Variants in CNKSR3 observed in about 807,000 individuals in gnomAD.
CNKSR3 encodes the protein connector enhancer of kinase suppressor of ras 3.
CNKSR3 carries 36 observed loss-of-function variants against 67.7 expected under a neutral mutation model. The observed-to-expected ratio is 0.53, with a 90% CI of 0.41 to 0.70. The LOEUF is 0.70. CNKSR3 is among the 30% of genes least tolerant of loss of function. The pLI is 0.00. For synonymous variants in CNKSR3, 281 were observed against 271.4 expected (o/e 1.04, Z -0.35); for missense variants, 630 against 695.2 (o/e 0.91, Z 1.05).
intron 1 of CNKSR3, among the ~76,000 whole-genome samples, chr6:154,483,089 G>A (rs1301155099): frequency 6.6e-6 from 1 of 152,166 alleles, no homozygotes; most frequent in Non-Finnish European, 1.5e-5. Flanking sequence ...CTTTACCCCA[G>A]TGGCATCTTG....
intron 9 of CNKSR3, among the ~76,000 whole-genome samples, chr6:154,417,241 C>T (rs73011468): frequency 0.051 from 7,733 of 152,208 alleles, 251 homozygotes; most frequent in African/African-American, 0.075. Flanking sequence ...AAAACATTTT[C>T]GAATAGTCAA....
At chr6:154,446,597 A>G (rs1172783519) in intron 2 of CNKSR3, among the ~76,000 whole-genome samples, 1 of 152,200 alleles carries the variant, frequency 6.6e-6, no homozygotes, top group African/African-American at 2.4e-5. Flanking sequence ...ACCAGTGCGC[A>G]TAAGCACTCT....
chr6:154,502,587 G>A (rs1027092088), intron 1 of CNKSR3, among the ~76,000 whole-genome samples: 1 of 152,150 alleles, frequency 6.6e-6, no homozygotes, highest in African/African-American at 2.4e-5. Context: ...ACAGAAGCCT[G>A]TGAGGCCTGG....
intron 4 of CNKSR3, among the ~76,000 whole-genome samples, chr6:154,435,712 G>C (rs1270836131): frequency 6.6e-6 from 1 of 152,236 alleles, no homozygotes; most frequent in East Asian, 1.9e-4. Context: ...GCTGGACAGT[G>C]AGCTGAGCTT....
rs762319273 is a variant in CNKSR3 at position 154,442,167 on chromosome 6, G to T, written c.340C>A (p.Arg114Ser). 1 of 1,614,170 alleles carries T rather than the reference G, an allele frequency of 6.2e-7. No homozygotes were observed. Among genetic ancestry groups the T allele is most frequent in the African/African-American group, 1.3e-5 (1 of 75,056 alleles). ...GTCAGGAACTCATTGGGGGCCTTGC[G>T]GGAGGTGTTGCCATCGTAAGCGGGA... ...KSPAYDGNTSRKAPNEFLTSV... is the reference protein window; with the variant it reads ...KSPAYDGNTSSKAPNEFLTSV... Residue 114 changes from arginine (R) to serine (S), a missense_variant, in exon 3 of 13, where the codon CGC (arginine) becomes AGC (serine). By Grantham distance (110) the Arg-to-Ser change is moderately radical. This residue lies in a region of CNKSR3 where 189 missense variants were observed against 205.0 expected (regional missense o/e 0.92). Coordinates refer to ENST00000607772, the MANE Select transcript of CNKSR3 (RefSeq NM_173515.4).
Position 154,480,684 on chromosome 6 carries a change from A to C in CNKSR3, c.52+29379T>G, listed in dbSNP as rs373727387. Among the ~76,000 whole-genome samples the C allele has an allele frequency of 4.4e-4, 67 of 152,246 alleles. 2 individuals carry two copies. In the South Asian group the frequency reaches 0.013, roughly 29 times the overall value. Reference sequence around the variant, plus strand: ...AAAGAAGTGACACTACTGAACTATAAACATCAATTTTACATCCAACAGAAG... The same window carrying C: ...AAAGAAGTGACACTACTGAACTATACACATCAATTTTACATCCAACAGAAG... On this transcript the variant is annotated intron_variant, in intron 1 of 12. Coordinates refer to ENST00000607772, the MANE Select transcript of CNKSR3 (RefSeq NM_173515.4).
intron 1 of CNKSR3, among the ~76,000 whole-genome samples, chr6:154,462,857 C>A (rs1453729413): frequency 6.6e-6 from 1 of 152,198 alleles, no homozygotes; most frequent in African/African-American, 2.4e-5. Context: ...CCCTGCCTCC[C>A]GCCACAGAGG....
At chr6:154,453,382 A>T (rs1261407022) in intron 1 of CNKSR3, among the ~76,000 whole-genome samples, 1 of 152,222 alleles carries the variant, frequency 6.6e-6, no homozygotes, top group African/African-American at 2.4e-5. Context: ...TGCAGGCAAC[A>T]AATGATTAGA....
intron 2 of CNKSR3, among the ~76,000 whole-genome samples, chr6:154,447,299 C>A (rs571967728): frequency 6.6e-6 from 1 of 152,026 alleles, no homozygotes; most frequent in Non-Finnish European, 1.5e-5. Flanking sequence ...CTAGTACAAC[C>A]GAGGAACTGA....
In CNKSR3 at chr6:154,433,480, T is replaced by C; in HGVS notation, c.535A>G (p.Lys179Glu). 3 of 1,588,542 alleles carry C rather than the reference T, an allele frequency of 1.9e-6. No homozygotes were observed. The highest frequency in any genetic ancestry group is 2.6e-6 in the Non-Finnish European group (3 of 1,162,204). The change falls in exon 5 of 13, where the codon AAA becomes GAA. Residue 179 changes from lysine (K) to glutamate (E), a missense_variant. This residue lies in a region of CNKSR3 where 133 missense variants were observed against 190.6 expected (regional missense o/e 0.70). Transcript: ENST00000607772. ...TGTATACTTACCACAGTTAAAACTTTATCCTCCATTTCCGCTACAAAGCAA... is the reference window on the plus strand; with the variant it reads ...TGTATACTTACCACAGTTAAAACTTCATCCTCCATTTCCGCTACAAAGCAA... ...KDCFVAEMED[K>E]VLTVVKVLNG...
Position 154,387,822 on chromosome 6 carries a change from T to G in CNKSR3, c.*18532A>C, listed in dbSNP as rs1190787822. On this transcript the variant is annotated 3_prime_UTR_variant, in exon 13 of 13. Coordinates refer to ENST00000607772, the MANE Select transcript of CNKSR3 (RefSeq NM_173515.4). ...AAATGTATTATGCATTTATTTTTTA[T>G]CATTTGAAATAATAGCTTATAAATA... is the stretch of plus-strand genomic sequence containing the variant. 6.6e-6 allele frequency: 1 copy of G among 152,222 alleles called. No homozygotes were observed. Among genetic ancestry groups the G allele is most frequent in the Non-Finnish European group, 1.5e-5 (1 of 68,036 alleles). The allele number at this position is 152,222 out of a possible 1,614,324, so 9.4% of individuals were successfully genotyped here. A position where few individuals can be genotyped will look rare whatever the true frequency, so the allele number is the denominator to read the frequency against.
At chr6:154,444,146 T>C (rs1785659695) in intron 2 of CNKSR3, among the ~76,000 whole-genome samples, 1 of 152,322 alleles carries the variant, frequency 6.6e-6, no homozygotes, top group Non-Finnish European at 1.5e-5. Flanking sequence ...GCCATCTCAA[T>C]AGCATCCCAA....
rs1057072734 is a variant in CNKSR3, at chr6:154,392,711, G to C, written c.*13643C>G. 6.6e-6 allele frequency: 1 copy of C among 152,274 alleles called. No individual in the cohort carries two copies. The highest frequency in any genetic ancestry group is 1.5e-5 in the Non-Finnish European group (1 of 68,088). The allele number at this position is 152,274 out of a possible 1,614,324, so 9.4% of individuals were successfully genotyped here. On this transcript the variant is annotated 3_prime_UTR_variant, in exon 13 of 13. Coordinates refer to ENST00000607772, the MANE Select transcript of CNKSR3 (RefSeq NM_173515.4). Reference sequence around the variant, plus strand: ...TGCTTCATTAGCATCGATGTTTGGGGAACAAGGAGCCCTTGCCTCCCCTGA... The same window carrying C: ...TGCTTCATTAGCATCGATGTTTGGGCAACAAGGAGCCCTTGCCTCCCCTGA...
At chr6:154,461,527 T>G (rs1786079431) in intron 1 of CNKSR3, among the ~76,000 whole-genome samples, 1 of 152,216 alleles carries the variant, frequency 6.6e-6, no homozygotes, top group African/African-American at 2.4e-5. Context: ...TGGATTCAGC[T>G]CTACCACTTC....
At chr6:154,467,194 C>T (rs987078601) in intron 1 of CNKSR3, among the ~76,000 whole-genome samples, 1 of 152,132 alleles carries the variant, frequency 6.6e-6, no homozygotes, top group African/African-American at 2.4e-5. Flanking sequence ...AGATACCCAC[C>T]GGGAGTAGAG....
intron 1 of CNKSR3, among the ~76,000 whole-genome samples, chr6:154,474,594 A>G (rs1172848149): frequency 6.6e-6 from 1 of 152,182 alleles, no homozygotes; most frequent in African/African-American, 2.4e-5. Flanking sequence ...AATGTGCAAG[A>G]TAGACGGGGG....
intron 1 of CNKSR3, among the ~76,000 whole-genome samples, chr6:154,490,926 A>G (rs1390020358): frequency 2.6e-5 from 4 of 151,642 alleles, no homozygotes; most frequent in Non-Finnish European, 5.9e-5. Flanking sequence ...GGCTCACTGC[A>G]ACCCTCTGCC....
intron 1 of CNKSR3, among the ~76,000 whole-genome samples, chr6:154,484,695 CAAAA>C (rs1166789172): frequency 3.1e-5 from 2 of 65,518 alleles, no homozygotes. Context: ...GAGCAAGACT[CAAAA>C]AAAAAAAAAA....
intron 1 of CNKSR3, among the ~76,000 whole-genome samples, chr6:154,474,372 C>T (rs1786396734): frequency 6.6e-6 from 1 of 151,056 alleles, no homozygotes; most frequent in South Asian, 2.1e-4. Context: ...GAGATCGCAC[C>T]ACTGCACTCC....
Sources: gnomAD v4.1 joint callset for allele counts (sites outside exome capture counted in the v4.1 genomes callset) on GRCh38, gnomAD v4.1.1 for gene constraint, gnomAD v4.1.1 regional missense constraint, MANE v1.5 for transcripts, NCBI Gene and HGNC (gene_info 2026-07-23, HGNC 2026-07-21) for gene names.